PHF2: variants seen among roughly 807,000 people sequenced by gnomAD.
PHF2 encodes the protein lysine-specific demethylase PHF2.
A neutral mutation model predicts 120.5 loss-of-function variants in PHF2; 27 were observed. The ratio of observed to expected loss-of-function variants is 0.22; its 90% confidence interval spans 0.17 to 0.31. The LOEUF is 0.31. PHF2 is among the 10% of genes least tolerant of loss of function. PHF2 has a pLI of 1.00. For synonymous variants in PHF2, 568 were observed against 592.5 expected (o/e 0.96, Z 0.60); for missense variants, 1,024 against 1,434.8 (o/e 0.71, Z 4.63).
At chr9:93,602,475 A>C in intron 1 of PHF2, among the ~76,000 whole-genome samples, 2 of 150,078 alleles carry the variant, frequency 1.3e-5, no homozygotes, top group East Asian at 2.0e-4. Flanking sequence ...CTGGTCTCGA[A>C]CTCCTGAGCT....
intron 1 of PHF2, among the ~76,000 whole-genome samples, chr9:93,582,999 C>T (rs1039247088): frequency 6.6e-6 from 1 of 152,212 alleles, no homozygotes; most frequent in African/African-American, 2.4e-5. Context: ...CCACCTTTAT[C>T]TAGTTCCCAA....
chr9:93,666,015 G>C lies in PHF2; in HGVS notation c.2142G>C (p.Leu714=). 6.2e-7 allele frequency: 1 copy of C among 1,613,484 alleles called. No homozygotes were observed. The highest frequency in any genetic ancestry group is 8.5e-7 in the Non-Finnish European group (1 of 1,179,804). ...LSFLLDKKAV[L]PTPVTKPKLD... ...TCTTGTTGGATAAGAAGGCTGTGCT[G>C]CCCACGCCTGTCACGAAGCCAAAGC... The change falls in exon 16 of 22, where the codon CTG becomes CTC. Residue 714 remains leucine, a synonymous_variant. Transcript: ENST00000359246.
chr9:93,605,350 T>C (rs1302185586), intron 1 of PHF2, among the ~76,000 whole-genome samples: 1 of 152,264 alleles, frequency 6.6e-6, no homozygotes, highest in Non-Finnish European at 1.5e-5. Context: ...CCCAAAGTGC[T>C]GGGATTACAG....
intron 10 of PHF2, 73 bp downstream of exon 10, chr9:93,658,309 C>G: frequency 9.2e-7 from 1 of 1,086,786 alleles, no homozygotes; most frequent in Non-Finnish European, 1.4e-6. Context: ...GGAGACCCAG[C>G]AGCAATGTCC....
intron 18 of PHF2, among the ~76,000 whole-genome samples, chr9:93,674,566 TG>T (rs1233616181): frequency 3.3e-5 from 5 of 152,160 alleles, no homozygotes; most frequent in Admixed American, 6.5e-5. Context: ...TTCCTCCAGG[TG>T]GGGCCTCTGG....
intron 4 of PHF2, among the ~76,000 whole-genome samples, chr9:93,648,594 C>G (rs1826303678): frequency 1.3e-5 from 2 of 152,202 alleles, no homozygotes. Context: ...ATCTGGTTAT[C>G]CTGAACTTTT....
intron 1 of PHF2, among the ~76,000 whole-genome samples, chr9:93,592,213 C>T (rs1027253682): frequency 2.4e-4 from 37 of 152,136 alleles, no homozygotes; most frequent in Non-Finnish European, 2.9e-5. Flanking sequence ...CTGCTGGGAT[C>T]TCAGGGTCTT....
chr9:93,674,641 A>C (rs1474003603), intron 18 of PHF2, among the ~76,000 whole-genome samples: 1 of 152,118 alleles, frequency 6.6e-6, no homozygotes, highest in Non-Finnish European at 1.5e-5. Context: ...GCTTGCAGGC[A>C]CTGGGGCTAG....
intron 17 of PHF2, among the ~76,000 whole-genome samples, chr9:93,669,077 T>A (rs534536409): frequency 6.6e-6 from 1 of 152,374 alleles, no homozygotes; most frequent in African/African-American, 2.4e-5. Context: ...TGCCGACTAG[T>A]TAGACGTTGC....
Position 93,677,745 on chromosome 9 carries a change from CA to C in PHF2, c.*70del. On this transcript the variant is annotated 3_prime_UTR_variant, in exon 22 of 22. Transcript: ENST00000359246. This position sits in a 1 kb window ranked among gnomAD's most constrained non-coding sequence, Gnocchi z 4.4. ...GAGCCCCGCGAAAACATCTGCCTCC[CA>C]GGAGGGTGCCGAGCTGCCTCACCAG... 8.3e-7 allele frequency: 1 copy of C among 1,208,928 alleles called. No individual in the cohort carries two copies. The highest frequency in any genetic ancestry group is 1.2e-6 in the Non-Finnish European group (1 of 825,914). The allele number at this position is 1,208,928 out of a possible 1,614,324, so 74.9% of individuals were successfully genotyped here.
intron 2 of PHF2, among the ~76,000 whole-genome samples, chr9:93,630,437 A>C (rs896171112): frequency 2.0e-5 from 3 of 152,152 alleles, no homozygotes; most frequent in African/African-American, 7.2e-5. Context: ...CCACTGCTAC[A>C]CGGGGGGCCC....
intron 1 of PHF2, among the ~76,000 whole-genome samples, chr9:93,626,562 G>A (rs540798649): frequency 5.9e-5 from 9 of 152,130 alleles, no homozygotes; most frequent in African/African-American, 2.2e-4. Flanking sequence ...TGTCCTTTAA[G>A]GCAAAAAAGT....
chr9:93,653,425 T>C (rs1826402743), intron 6 of PHF2, 60 bp downstream of exon 6: 1 of 1,540,474 alleles, frequency 6.5e-7, no homozygotes, highest in East Asian at 2.2e-5. Flanking sequence ...TCTGCAGGAT[T>C]GTCTGCAGTC....
chr9:93,660,221 G>A lies in PHF2; in HGVS notation c.1359G>A (p.Val453=). The change falls in exon 12 of 22, where the codon GTG becomes GTA. Residue 453 remains valine, a synonymous_variant. Transcript: ENST00000359246. Reference sequence around the variant, plus strand: ...CCTCCAAAGCCGTCCGACCGGAAGTGAATACTGTCGCCTCGTCAGATGAGG... The same window carrying A: ...CCTCCAAAGCCGTCCGACCGGAAGTAAATACTGTCGCCTCGTCAGATGAGG... ...ENASKAVRPE[V]NTVASSDEVC... 6.3e-7 allele frequency: 1 copy of A among 1,587,078 alleles called. No individual in the cohort carries two copies. Among genetic ancestry groups the A allele is most frequent in the Non-Finnish European group, 8.5e-7 (1 of 1,170,556 alleles).
intron 1 of PHF2, among the ~76,000 whole-genome samples, chr9:93,618,846 GTGCCTGTGTGTGGTGTTC>G (rs1564383267): frequency 5.3e-5 from 7 of 132,302 alleles, no homozygotes; most frequent in East Asian, 2.6e-4. Context: ...GTGTGTGTGT[GTGCCTGTGTGTGGTGTTC>G]GTGTGTCTCT....
intron 12 of PHF2, among the ~76,000 whole-genome samples, chr9:93,662,513 C>T (rs12349481): frequency 0.12 from 16,970 of 139,594 alleles, 1,218 homozygotes; most frequent in Middle Eastern, 0.21. Context: ...ATGGGATGAA[C>T]GAATGGATGG....
intron 1 of PHF2, among the ~76,000 whole-genome samples, chr9:93,614,136 C>T (rs1317222202): frequency 6.6e-6 from 1 of 152,224 alleles, no homozygotes; most frequent in African/African-American, 2.4e-5. Flanking sequence ...CCACCTCCCT[C>T]TAGAGTGAGT....
intron 1 of PHF2, among the ~76,000 whole-genome samples, chr9:93,603,036 G>T (rs902126422): frequency 6.6e-6 from 1 of 151,076 alleles, no homozygotes; most frequent in Non-Finnish European, 1.5e-5. Context: ...GGAGGTGGGG[G>T]CCAAGAAATG....
At chr9:93,664,730 C>G (rs571784838) in intron 14 of PHF2, among the ~76,000 whole-genome samples, 3 of 152,212 alleles carry the variant, frequency 2.0e-5, no homozygotes, top group Admixed American at 6.5e-5. Flanking sequence ...TGAAGCTCTG[C>G]TTCTAGGTTC....
Sources: gnomAD v4.1 joint callset for allele counts (sites outside exome capture counted in the v4.1 genomes callset) on GRCh38, gnomAD v4.1.1 for gene constraint, Gnocchi (gnomAD v3.1) non-coding constraint, MANE v1.5 for transcripts, NCBI Gene and HGNC (gene_info 2026-07-23, HGNC 2026-07-21) for gene names.